KIF26B: variants seen among roughly 807,000 people sequenced by gnomAD.
KIF26B encodes kinesin family member 26B, also known as kinesin-like protein KIF26B.
Under a neutral mutation model 151.2 loss-of-function variants are expected in KIF26B, and 63 were observed. The observed-to-expected ratio is 0.42, with a 90% CI of 0.34 to 0.51. The LOEUF is 0.51. KIF26B is among the 20% of genes least tolerant of loss of function. KIF26B has a pLI of 0.07. For missense variants in KIF26B, 2,813 were observed against 2,913.6 expected (o/e 0.97, Z 0.79); for synonymous variants, 1,357 against 1,262.1 (o/e 1.08, Z -1.59).
At chr1:245,570,491 G>T (rs2043056700) in intron 5 of KIF26B, among the ~76,000 whole-genome samples, 2 of 152,128 alleles carry the variant, frequency 1.3e-5, no homozygotes, top group South Asian at 4.1e-4. Flanking sequence ...CCACATGCTG[G>T]TCTTACCTCC....
intron 4 of KIF26B, among the ~76,000 whole-genome samples, chr1:245,453,249 G>A (rs992801214): frequency 3.3e-5 from 5 of 151,858 alleles, no homozygotes; most frequent in Non-Finnish European, 7.4e-5. Context: ...AATTACCTTG[G>A]ACTAAGAGTG....
intron 4 of KIF26B, among the ~76,000 whole-genome samples, chr1:245,534,135 G>A (rs1361774329): frequency 2.6e-5 from 4 of 151,988 alleles, no homozygotes; most frequent in Non-Finnish European, 4.4e-5. Context: ...TCTCCTCACT[G>A]CCTGATAATG....
chr1:245,631,229 C>T lies in KIF26B; in HGVS notation c.2099-14892C>T, dbSNP rs1490967285. ...GTTCTTAGAAAAAAAAGGCTTTTAG[C>T]TTTTCCCCACTTATTATGATGTTAG... On this transcript the variant is annotated intron_variant, in intron 9 of 14. Transcript: ENST00000407071. 2.0e-5 allele frequency among the ~76,000 whole-genome samples: 3 copies of T among 152,154 alleles called. No individual in the cohort carries two copies. The East Asian group carries it at 5.8e-4, about 29-fold the overall frequency.
chr1:245,307,764 G>A (rs1468234490), intron 2 of KIF26B, among the ~76,000 whole-genome samples: 7 of 145,622 alleles, frequency 4.8e-5, no homozygotes, highest in South Asian at 4.3e-4. Flanking sequence ...TTTTTGAGAC[G>A]GAGTCTCGCT....
At chr1:245,576,234 A>C (rs1036482868) in intron 5 of KIF26B, among the ~76,000 whole-genome samples, 1 of 151,976 alleles carries the variant, frequency 6.6e-6, no homozygotes, top group East Asian at 1.9e-4. Context: ...TTGAACATAG[A>C]CTCCAGAGTT....
chr1:245,623,724 G>C (rs1173516008), intron 9 of KIF26B, among the ~76,000 whole-genome samples: 1 of 152,202 alleles, frequency 6.6e-6, no homozygotes, highest in Non-Finnish European at 1.5e-5. Flanking sequence ...TCTTCAGGCT[G>C]TGTATATAAG....
rs151110475 is a variant in KIF26B at position 245,376,851 on chromosome 1, C to T, written c.999+9484C>T. Among the ~76,000 whole-genome samples, 844 of 152,172 alleles carry T rather than the reference C, an allele frequency of 5.5e-3. 7 individuals carry two copies. Among genetic ancestry groups the T allele is most frequent in the African/African-American group, 0.019 (798 of 41,494 alleles). ...TACAGGTGCCCACCACCACACCCAG[C>T]TAATTTTTGTACTTTTAGTAGAGAC... On this transcript the variant is annotated intron_variant, in intron 3 of 14. Transcript: ENST00000407071.
intron 5 of KIF26B, among the ~76,000 whole-genome samples, chr1:245,583,147 C>T (rs572172336): frequency 6.6e-6 from 1 of 152,272 alleles, no homozygotes; most frequent in East Asian, 1.9e-4. Context: ...TCTTTCTCTT[C>T]CTTCGTATCT....
At chr1:245,338,133 G>C (rs1672271156) in intron 2 of KIF26B, among the ~76,000 whole-genome samples, 2 of 152,142 alleles carry the variant, frequency 1.3e-5, no homozygotes, top group Non-Finnish European at 2.9e-5. Flanking sequence ...CGTAGTAGAC[G>C]CTGAATCATC....
Position 245,364,621 on chromosome 1 carries a change from C to T in KIF26B, c.466-2213C>T, listed in dbSNP as rs1289502546. 2.0e-5 allele frequency among the ~76,000 whole-genome samples: 3 copies of T among 151,822 alleles called. No homozygotes were observed. In the East Asian group the frequency reaches 5.8e-4, roughly 29 times the overall value. ...TATTTTAGTACAGATGGTGTTTCAC[C>T]ATGTTGGCCAGGATGGTCTCGATCT... On this transcript the variant is annotated intron_variant, in intron 2 of 14. Coordinates refer to ENST00000407071, the MANE Select transcript of KIF26B (RefSeq NM_018012.4).
chr1:245,164,728 A>T (rs1668587353), intron 2 of KIF26B, among the ~76,000 whole-genome samples: 1 of 152,240 alleles, frequency 6.6e-6, no homozygotes, highest in Non-Finnish European at 1.5e-5. Flanking sequence ...GGACGTGGGC[A>T]GCCATTGGAG....
intron 2 of KIF26B, among the ~76,000 whole-genome samples, chr1:245,264,577 TA>T (rs141319028): frequency 0.059 from 8,548 of 145,762 alleles, 269 homozygotes; most frequent in Middle Eastern, 0.069. Context: ...TTATTGTTCT[TA>T]AAAAAAAAAC....
rs761491862 is a variant in KIF26B at position 245,495,238 on chromosome 1, A to G, written c.1167-45529A>G. ...AGAACAAAAAGGATCAAAATACAGA[A>G]AAGAGCAGAAGAGACATATGGAACA... On this transcript the variant is annotated intron_variant, in intron 4 of 14. Transcript: ENST00000407071. This position sits in a 1 kb window ranked among gnomAD's most constrained non-coding sequence, Gnocchi z 4.2. 6.6e-6 allele frequency among the ~76,000 whole-genome samples: 1 copy of G among 152,188 alleles called. No individual in the cohort carries two copies. Among genetic ancestry groups the G allele is most frequent in the Non-Finnish European group, 1.5e-5 (1 of 68,020 alleles).
At position 245,702,470 on chromosome 1, in the gene KIF26B, A is replaced by C. The variant is rs900206458; in HGVS notation, c.6191A>C (p.Gln2064Pro). ...TCCTCTCTTGCAGTTGACTTGGAGC[A>C]GGTTTGGGAGCTGGATTCCCTGGAG... ...NKWLSEFDLEQVWELDSLEYL... is the reference protein window; with the variant it reads ...NKWLSEFDLEPVWELDSLEYL... The change falls in exon 15 of 15, where the codon CAG (glutamine) becomes CCG (proline). Residue 2064 changes from glutamine (Q) to proline (P), a missense_variant. Gln to Pro is a moderately conservative substitution (Grantham distance 76). Transcript: ENST00000407071. The surrounding 1 kb of genome is among the most constrained non-coding windows in gnomAD (Gnocchi z 4.1). 1 of 1,613,874 alleles carries C rather than the reference A, an allele frequency of 6.2e-7. No individual in the cohort carries two copies. The highest frequency in any genetic ancestry group is 1.3e-5 in the African/African-American group (1 of 75,022).
intron 2 of KIF26B, among the ~76,000 whole-genome samples, chr1:245,180,533 TGCTA>T (rs1668887850): frequency 6.6e-6 from 1 of 152,194 alleles, no homozygotes; most frequent in Non-Finnish European, 1.5e-5. Flanking sequence ...GCTCAGTAGG[TGCTA>T]GCTATCATCT....
At chr1:245,285,759 C>A (rs1671155040) in intron 2 of KIF26B, among the ~76,000 whole-genome samples, 1 of 151,526 alleles carries the variant, frequency 6.6e-6, no homozygotes, top group Non-Finnish European at 1.5e-5. Flanking sequence ...CCTGGTGCCC[C>A]ACTGTGGGTT....
intron 3 of KIF26B, among the ~76,000 whole-genome samples, chr1:245,414,085 G>A (rs900098752): frequency 6.6e-6 from 1 of 152,234 alleles, no homozygotes; most frequent in African/African-American, 2.4e-5. Flanking sequence ...CCTGGCCTGG[G>A]GGCCAGAGAT....
chr1:245,437,901 A>G (rs1394154292), intron 4 of KIF26B, among the ~76,000 whole-genome samples: 1 of 152,196 alleles, frequency 6.6e-6, no homozygotes, highest in Non-Finnish European at 1.5e-5. Flanking sequence ...AAGATAAGGA[A>G]GTGACTTGTC....
intron 4 of KIF26B, among the ~76,000 whole-genome samples, chr1:245,423,767 G>A (rs185132321): frequency 4.1e-4 from 63 of 152,102 alleles, no homozygotes; most frequent in East Asian, 9.7e-4. Context: ...TCCATATAGC[G>A]TCGCTCTCAT....
Sources: gnomAD v4.1 joint callset for allele counts (sites outside exome capture counted in the v4.1 genomes callset) on GRCh38, gnomAD v4.1.1 for gene constraint, Gnocchi (gnomAD v3.1) non-coding constraint, MANE v1.5 for transcripts, NCBI Gene and HGNC (gene_info 2026-07-23, HGNC 2026-07-21) for gene names.